ACSS2: variants seen among roughly 807,000 people sequenced by gnomAD.
ACSS2 encodes acyl-CoA synthetase short chain family member 2.
A neutral mutation model predicts 90.6 loss-of-function variants in ACSS2; 58 were observed. The ratio of observed to expected loss-of-function variants is 0.64; its 90% CI spans 0.52 to 0.80. The LOEUF (loss-of-function observed/expected upper bound fraction) is 0.80, where lower values mean the gene tolerates loss of function less well. Ranked by LOEUF, ACSS2 falls within the 30% of genes least tolerant of loss-of-function variation. The pLI, the probability that ACSS2 is intolerant of heterozygous loss-of-function variation, is 0.00. For synonymous variants in ACSS2, 300 were observed against 330.9 expected (o/e 0.91, Z 1.01); for missense variants, 759 against 912.0 (o/e 0.83, Z 2.16).
chr20:34,920,878 C>T, intron 9 of ACSS2, 128 bp from the exon 10 acceptor site: 1 of 1,512,244 alleles, frequency 6.6e-7, no homozygotes, highest in Non-Finnish European at 9.0e-7. Context: ...GGTATCTTGG[C>T]TTGTCTGGCC....
At chr20:34,913,607 G>T (rs144788346) in intron 4 of ACSS2, 111 bp downstream of exon 4, 5 of 1,290,316 alleles carry the variant, frequency 3.9e-6, no homozygotes, top group Non-Finnish European at 4.4e-6. Flanking sequence ...AGCTTAGAAG[G>T]TTTGTGTCAT....
intron 16 of ACSS2, among the ~76,000 whole-genome samples, chr20:34,926,552 A>C (rs1201786395): frequency 6.6e-6 from 1 of 152,232 alleles, no homozygotes; most frequent in Non-Finnish European, 1.5e-5. Context: ...AGTCACCTCC[A>C]TGAAACAGAT....
At chr20:34,918,344 G>A (rs1336748023) in intron 7 of ACSS2, among the ~76,000 whole-genome samples, 4 of 152,298 alleles carry the variant, frequency 2.6e-5, no homozygotes, top group Middle Eastern at 6.8e-3. Flanking sequence ...TGAAGATTTT[G>A]GACAAATTCA....
chr20:34,894,849 G>C (rs982856464), intron 2 of ACSS2, among the ~76,000 whole-genome samples: 1 of 152,130 alleles, frequency 6.6e-6, no homozygotes, highest in African/African-American at 2.4e-5. Flanking sequence ...ATTGAATTAG[G>C]GGTAAACAAT....
chr20:34,910,868 G>A (rs1304867956), intron 2 of ACSS2, among the ~76,000 whole-genome samples: 1 of 152,156 alleles, frequency 6.6e-6, no homozygotes, highest in South Asian at 2.1e-4. Flanking sequence ...TGTTGTCCAG[G>A]CTGGAGTTCA....
chr20:34,903,339 CA>C (rs11476381), intron 2 of ACSS2, among the ~76,000 whole-genome samples: 56,886 of 114,850 alleles, frequency 0.5, 12,243 homozygotes, highest in South Asian at 0.68. Context: ...GAGACTCTCT[CA>C]AAAAAAAAAA....
intron 16 of ACSS2, 124 bp downstream of exon 16, chr20:34,926,405 C>T: frequency 1.0e-6 from 1 of 984,810 alleles, no homozygotes; most frequent in South Asian, 1.7e-5. Context: ...CAGGGGGCCC[C>T]ATGGGCTGAT....
intron 7 of ACSS2, 116 bp from the exon 8 acceptor site, chr20:34,919,319 C>T (rs1600349812): frequency 1.3e-6 from 2 of 1,489,136 alleles, no homozygotes; most frequent in East Asian, 2.3e-5. Flanking sequence ...AGGGCCTTCT[C>T]TCCCTTCCTG....
At position 34,887,809 on chromosome 20, in the gene ACSS2, G is replaced by A. The variant is rs182511495; in HGVS notation, c.374+4820G>A. On this transcript the variant is annotated intron_variant, in intron 2 of 17. Coordinates refer to ENST00000360596, the MANE Select transcript of ACSS2 (RefSeq NM_018677.4). The stretch of plus-strand genomic sequence containing the variant: ...GCCTGGGCCAGGCATAGTGGCTCAC[G>A]CCTGTAATCCCAACACTTTGGGAGG... 7.1e-4 allele frequency among the ~76,000 whole-genome samples: 108 copies of A among 151,998 alleles called. No homozygotes were observed. In the East Asian group the frequency reaches 8.3e-3, roughly 12 times the overall value.
rs1214370235 is a variant in ACSS2, at chr20:34,925,782, C to T, written c.1726+16C>T. The T allele has an allele frequency of 6.2e-7, 1 of 1,609,724 alleles. No homozygotes were observed. The highest frequency in any genetic ancestry group is 2.2e-5 in the East Asian group (1 of 44,758). On this transcript the variant is annotated intron_variant, in intron 15 of 17. Transcript: ENST00000360596. ...AATGTATCTGGTGAGGGCCAGGGGC[C>T]ACCTTCCCATCTTATTAACTCTGCT...
At chr20:34,920,933 C>T in intron 9 of ACSS2, 73 bp from the exon 10 acceptor site, 1 of 1,597,468 alleles carries the variant, frequency 6.3e-7, no homozygotes, top group Non-Finnish European at 8.5e-7. Context: ...AATACTGAAC[C>T]TGAGGGAATG....
chr20:34,926,060 C>G (rs58080219), intron 15 of ACSS2, 45 bp from the exon 16 acceptor site: 3 of 1,603,136 alleles, frequency 1.9e-6, no homozygotes, highest in South Asian at 2.2e-5. Context: ...TGGGCTGGGG[C>G]AGAGCCTGGG....
At chr20:34,904,491 T>A (rs941862625) in intron 2 of ACSS2, among the ~76,000 whole-genome samples, 1 of 152,058 alleles carries the variant, frequency 6.6e-6, no homozygotes, top group Admixed American at 6.6e-5. Flanking sequence ...AGGGACTAGA[T>A]CATGTAGGCC....
intron 7 of ACSS2, among the ~76,000 whole-genome samples, chr20:34,917,717 C>T (rs1480456381): frequency 6.6e-6 from 1 of 152,096 alleles, no homozygotes; most frequent in Non-Finnish European, 1.5e-5. Context: ...TATCATCACA[C>T]TCTTAAGTTT....
intron 1 of ACSS2, among the ~76,000 whole-genome samples, chr20:34,877,897 C>CAGATAGATAGGCAGAT (rs1568956392): frequency 1.1e-5 from 1 of 91,132 alleles, no homozygotes; most frequent in African/African-American, 4.9e-5. Flanking sequence ...GGGTAAAGGA[C>CAGATAGATAGGCAGAT]AGATAGATAG....
At position 34,919,558 on chromosome 20, in the gene ACSS2, A is replaced by G; in HGVS notation, c.958A>G (p.Thr320Ala). 2 of 1,608,856 alleles carry G rather than the reference A, an allele frequency of 1.2e-6. No homozygotes were observed. Among genetic ancestry groups the G allele is most frequent in the Non-Finnish European group, 1.7e-6 (2 of 1,179,414 alleles). The change falls in exon 8 of 18, where the codon ACA (threonine) becomes GCA (alanine). Residue 320 changes from threonine (T) to alanine (A), a missense_variant. Thr to Ala is a moderately conservative substitution (Grantham distance 58, BLOSUM62 0). Coordinates refer to ENST00000360596, the MANE Select transcript of ACSS2 (RefSeq NM_018677.4). ...CTTCATCCTGTACACCAGTGGCTCC[A>G]CAGGCAAACCCAAGGCAAGTGTGTG... ...PLFILYTSGS[T>A]GKPKGVVHTV...
intron 7 of ACSS2, chr20:34,915,191 AC>A: frequency 6.2e-7 from 1 of 1,613,624 alleles, no homozygotes; most frequent in Non-Finnish European, 8.5e-7. Flanking sequence ...CCTCCTCACT[AC>A]CCTTTTCATC....
chr20:34,900,777 A>G (rs2080638086), intron 2 of ACSS2, among the ~76,000 whole-genome samples: 1 of 152,198 alleles, frequency 6.6e-6, no homozygotes, highest in African/African-American at 2.4e-5. Flanking sequence ...GGAAAACCAA[A>G]CAGAATGATG....
rs1207047936 is a variant in ACSS2 at position 34,897,465 on chromosome 20, C to T, written c.374+14476C>T. Among the ~76,000 whole-genome samples the T allele has an allele frequency of 2.6e-5, 4 of 152,154 alleles. No individual in the cohort carries two copies. The East Asian group carries it at 5.8e-4, about 22-fold the overall frequency. On this transcript the variant is annotated intron_variant, in intron 2 of 17. Transcript: ENST00000360596. ...TTCATATAAATGGAATCATATAACA[C>T]GTGGCCCTTTGTGTCTGGTTTCTTT...
Sources: allele counts gnomAD v4.1 joint callset (sites outside exome capture counted in the v4.1 genomes callset), GRCh38; gene constraint gnomAD v4.1.1; transcripts MANE v1.5; gene names NCBI Gene and HGNC (gene_info 2026-07-23, HGNC 2026-07-21).